ACTR3B: variants seen among roughly 807,000 people sequenced by gnomAD.
ACTR3B encodes actin related protein 3B.
ACTR3B carries 8 observed loss-of-function variants against 59.0 expected under a neutral mutation model. That is an observed-to-expected ratio of 0.14 (90% CI 0.08 to 0.24). The LOEUF is 0.24. Among genes scored for constraint, ACTR3B ranks in the 10% least tolerant of loss-of-function variants. ACTR3B has a pLI of 1.00. For missense variants in ACTR3B, 245 were observed against 552.3 expected, an observed-to-expected ratio of 0.44 and a Z score of 5.58; for synonymous variants, 148 against 197.9, an observed-to-expected ratio of 0.75 and a Z score of 2.12.
chr7:152,781,298 G>A (rs1213805859), intron 1 of ACTR3B, among the ~76,000 whole-genome samples: 1 of 143,198 alleles, frequency 7.0e-6, no homozygotes, highest in Non-Finnish European at 1.5e-5. Flanking sequence ...TTTTTTTCTG[G>A]TTCCATCAGA....
rs374418581 is a variant in ACTR3B, at chr7:152,799,290, A to G, written c.101-1241A>G. ...AATATTTTAGTGGAGTAAAATGTTA[A>G]TTTAGCAAATATTTCTCTAATGTCT... On this transcript the variant is annotated intron_variant, in intron 2 of 11. Coordinates refer to ENST00000256001, the MANE Select transcript of ACTR3B (RefSeq NM_020445.6). Among the ~76,000 whole-genome samples the G allele has an allele frequency of 9.2e-5, 14 of 152,314 alleles. No homozygotes were observed. The East Asian group carries it at 2.3e-3, about 25-fold the overall frequency.
At position 152,769,329 on chromosome 7, in the gene ACTR3B, GT is replaced by G. The variant is rs1466340347; in HGVS notation, c.44+9405del. Among the ~76,000 whole-genome samples, 4 of 152,290 alleles carry G rather than the reference GT, an allele frequency of 2.6e-5. No individual in the cohort carries two copies. In the East Asian group the frequency reaches 5.8e-4, roughly 22 times the overall value. On this transcript the variant is annotated intron_variant, in intron 1 of 11. Coordinates refer to ENST00000256001, the MANE Select transcript of ACTR3B (RefSeq NM_020445.6). Reference sequence around the variant, plus strand: ...AGAAATAACTTGTCTCTTCACTAGAGTTGTTGATTTAGCATATCAAGTAGCC... The same window carrying G: ...AGAAATAACTTGTCTCTTCACTAGAGTGTTGATTTAGCATATCAAGTAGCC...
chr7:152,779,530 C>A (rs1230471740), intron 1 of ACTR3B, among the ~76,000 whole-genome samples: 1 of 152,208 alleles, frequency 6.6e-6, no homozygotes, highest in African/African-American at 2.4e-5. Flanking sequence ...TACATTGTTA[C>A]TAGCTAGTAA....
chr7:152,779,323 A>G (rs1037125185), intron 1 of ACTR3B, among the ~76,000 whole-genome samples: 2 of 152,014 alleles, frequency 1.3e-5, no homozygotes, highest in South Asian at 2.1e-4. Flanking sequence ...CATGTGGCTT[A>G]TTCTTCCTTG....
At chr7:152,790,004 T>TC (rs2098189919) in intron 2 of ACTR3B, among the ~76,000 whole-genome samples, 1 of 150,142 alleles carries the variant, frequency 6.7e-6, no homozygotes, top group Non-Finnish European at 1.5e-5. Flanking sequence ...TTTCTTTTTT[T>TC]TTTTTTTTTT....
At chr7:152,780,816 T>G (rs2098150315) in intron 1 of ACTR3B, among the ~76,000 whole-genome samples, 1 of 151,572 alleles carries the variant, frequency 6.6e-6, no homozygotes, top group Non-Finnish European at 1.5e-5. Flanking sequence ...AACAAATTGC[T>G]TTTTGTTTGT....
At chr7:152,781,647 T>A (rs1325087468) in intron 1 of ACTR3B, among the ~76,000 whole-genome samples, 1 of 152,192 alleles carries the variant, frequency 6.6e-6, no homozygotes, top group East Asian at 1.9e-4. Context: ...TCCATAGGCA[T>A]CTTTAGCCTT....
At chr7:152,822,303 C>T (rs977413487) in intron 7 of ACTR3B, among the ~76,000 whole-genome samples, 1 of 152,226 alleles carries the variant, frequency 6.6e-6, no homozygotes, top group African/African-American at 2.4e-5. Context: ...ACGGTGTGCT[C>T]AGCGCCAGCT....
intron 2 of ACTR3B, among the ~76,000 whole-genome samples, chr7:152,788,886 G>C (rs1311035597): frequency 6.6e-6 from 1 of 152,184 alleles, no homozygotes; most frequent in Non-Finnish European, 1.5e-5. Context: ...AGCCGGATGT[G>C]GTGGCTCACA....
At position 152,806,886 on chromosome 7, in the gene ACTR3B, A is replaced by G. The variant is rs1023284645; in HGVS notation, c.336+5155A>G. On this transcript the variant is annotated intron_variant, in intron 4 of 11. Coordinates refer to ENST00000256001, the MANE Select transcript of ACTR3B (RefSeq NM_020445.6). The stretch of plus-strand genomic sequence containing the variant: ...TGCAGTGTTGGTAAGAGCAACTCAC[A>G]ATGCCTGTCATAGTGGTGTCACTCA... Among the ~76,000 whole-genome samples the G allele has an allele frequency of 2.6e-5, 4 of 152,236 alleles. No homozygotes were observed. In the East Asian group the frequency reaches 7.7e-4, roughly 29 times the overall value.
chr7:152,835,887 C>G (rs1797414663), intron 9 of ACTR3B, among the ~76,000 whole-genome samples: 1 of 151,614 alleles, frequency 6.6e-6, no homozygotes, highest in Non-Finnish European at 1.5e-5. Flanking sequence ...CATTGCTGAC[C>G]CGTGGTGCTT....
intron 1 of ACTR3B, among the ~76,000 whole-genome samples, 163 bp downstream of exon 1, chr7:152,760,089 C>G (rs1185086736): frequency 6.6e-6 from 1 of 152,188 alleles, no homozygotes; most frequent in East Asian, 1.9e-4. Context: ...CAAGCCTTGC[C>G]TTGACGTCGT....
intron 3 of ACTR3B, among the ~76,000 whole-genome samples, chr7:152,801,075 G>C (rs1167520299): frequency 1.3e-5 from 2 of 152,262 alleles, no homozygotes; most frequent in Non-Finnish European, 2.9e-5. Context: ...GTTCCTCATT[G>C]TATTTTTTGT....
At chr7:152,809,069 G>A (rs1290395031) in intron 4 of ACTR3B, among the ~76,000 whole-genome samples, 2 of 151,804 alleles carry the variant, frequency 1.3e-5, no homozygotes, top group South Asian at 2.1e-4. Context: ...ACTGCTATTA[G>A]CAGATTTAAT....
chr7:152,800,693 A>G, intron 3 of ACTR3B, 38 bp downstream of exon 3: 1 of 1,601,750 alleles, frequency 6.2e-7, no homozygotes, highest in Non-Finnish European at 8.5e-7. Context: ...CTAAGTGTAG[A>G]GTAGTAGGAT....
chr7:152,796,860 G>GGTTT (rs2098218252), intron 2 of ACTR3B, among the ~76,000 whole-genome samples: 15 of 54,750 alleles, frequency 2.7e-4, no homozygotes, highest in African/African-American at 1.0e-3. Context: ...TAGTTTTTGT[G>GGTTT]TTTTTTTTTT....
At chr7:152,770,867 G>A (rs1216280645) in intron 1 of ACTR3B, among the ~76,000 whole-genome samples, 4 of 137,250 alleles carry the variant, frequency 2.9e-5, no homozygotes, top group African/African-American at 1.1e-4. Flanking sequence ...CCCATCATGG[G>A]ACTATGCACA....
intron 10 of ACTR3B, among the ~76,000 whole-genome samples, chr7:152,852,612 T>A (rs1798904479): frequency 6.6e-6 from 1 of 152,156 alleles, no homozygotes. Flanking sequence ...TCGGAAATGT[T>A]CTCATTAAAT....
intron 7 of ACTR3B, 122 bp downstream of exon 7, chr7:152,820,564 G>A: frequency 6.8e-7 from 1 of 1,460,274 alleles, no homozygotes; most frequent in Non-Finnish European, 9.1e-7. Context: ...TGAATGTGGG[G>A]CTTGATTTGT....
Sources: gnomAD v4.1 joint callset for allele counts (sites outside exome capture counted in the v4.1 genomes callset) on GRCh38, gnomAD v4.1.1 for gene constraint, MANE v1.5 for transcripts, NCBI Gene and HGNC (gene_info 2026-07-23, HGNC 2026-07-21) for gene names.